The following MYPN variants were observed in gnomAD, a reference collection of about 807,000 sequenced individuals.
The protein encoded by MYPN is sarcomeric protein myopalladin, 145 kDa (MYOP).
In MYPN, 63 loss-of-function variants were observed where a neutral mutation model predicts 129.4. The observed-to-expected ratio is 0.49, with a 90% CI of 0.40 to 0.60. MYPN has a LOEUF of 0.60. MYPN is among the 20% of genes least tolerant of loss of function. The probability of loss-of-function intolerance (pLI) is 0.00; values close to 1 mark genes in which losing one functional copy is unlikely to be tolerated. For missense variants in MYPN, 1,596 were observed against 1,635.4 expected (o/e 0.98, Z 0.42); for synonymous variants, 629 against 600.9 (o/e 1.05, Z -0.68).
chr10:68,175,185 T>C, intron 11 of MYPN, 138 bp from the exon 12 acceptor site: 1 of 937,750 alleles, frequency 1.1e-6, no homozygotes, highest in South Asian at 1.5e-5. Context: ...AAATACCGAT[T>C]CTCTGCACAG....
At chr10:68,125,792 A>G (rs189568488) in intron 2 of MYPN, among the ~76,000 whole-genome samples, 12 of 152,342 alleles carry the variant, frequency 7.9e-5, no homozygotes, top group South Asian at 4.1e-4. Flanking sequence ...ACAAATATCA[A>G]TTGAGTTACT....
intron 1 of MYPN, among the ~76,000 whole-genome samples, chr10:68,092,511 G>T (rs1589508957): frequency 6.7e-6 from 1 of 150,062 alleles, no homozygotes; most frequent in Non-Finnish European, 1.5e-5. Context: ...AAAAAAAAAA[G>T]AAATGTATGT....
intron 2 of MYPN, among the ~76,000 whole-genome samples, chr10:68,137,323 C>A (rs1302353328): frequency 6.6e-6 from 1 of 152,154 alleles, no homozygotes; most frequent in Non-Finnish European, 1.5e-5. Context: ...AAAAATCCAA[C>A]CTTACACAGT....
At chr10:68,145,904 G>A (rs1053620451) in intron 4 of MYPN, among the ~76,000 whole-genome samples, 2 of 152,028 alleles carry the variant, frequency 1.3e-5, no homozygotes, top group African/African-American at 4.8e-5. Flanking sequence ...CATTCTCGTG[G>A]CCTTGAGTCA....
intron 1 of MYPN, among the ~76,000 whole-genome samples, chr10:68,095,487 TCCCTGCCTCCCATCTGAAGTA>T (rs995918779): frequency 6.6e-6 from 1 of 152,164 alleles, no homozygotes; most frequent in Admixed American, 6.5e-5. Flanking sequence ...GACCAGGGTC[TCCCTGCCTCCCATCTGAAGTA>T]CCAGCCATTT....
intron 3 of MYPN, 71 bp downstream of exon 3, chr10:68,143,186 T>A: frequency 6.8e-7 from 1 of 1,461,720 alleles, no homozygotes; most frequent in Non-Finnish European, 9.4e-7. Context: ...AAATATTTAT[T>A]GAGGGCCTCC....
intron 1 of MYPN, among the ~76,000 whole-genome samples, chr10:68,099,207 T>C (rs1396637991): frequency 6.6e-6 from 1 of 152,138 alleles, no homozygotes; most frequent in Non-Finnish European, 1.5e-5. Context: ...TAACCCTCAT[T>C]AGACTAAATT....
At chr10:68,204,524 C>T (rs2134325414) in intron 18 of MYPN, among the ~76,000 whole-genome samples, 1 of 152,234 alleles carries the variant, frequency 6.6e-6, no homozygotes, top group South Asian at 2.1e-4. Flanking sequence ...GAGTTGGAGA[C>T]CAGCCTGGCC....
intron 1 of MYPN, among the ~76,000 whole-genome samples, chr10:68,091,716 C>T (rs1040209154): frequency 4.0e-5 from 6 of 150,884 alleles, no homozygotes; most frequent in Non-Finnish European, 8.8e-5. Context: ...CCCAAATTTG[C>T]TCGTTTTTTT....
At chr10:68,089,626 T>G (rs2041922000) in intron 1 of MYPN, among the ~76,000 whole-genome samples, 1 of 152,168 alleles carries the variant, frequency 6.6e-6, no homozygotes, top group Non-Finnish European at 1.5e-5. Flanking sequence ...ATTACAGGCG[T>G]GAGCCAGCGC....
At chr10:68,136,666 T>G in intron 2 of MYPN, 13 of 1,535,172 alleles carry the variant, frequency 8.5e-6, no homozygotes, top group Admixed American at 2.0e-5. Context: ...GTTTGGGCAT[T>G]TGAATCATTC....
intron 18 of MYPN, among the ~76,000 whole-genome samples, chr10:68,204,842 G>T (rs1009704686): frequency 6.6e-6 from 1 of 151,338 alleles, no homozygotes; most frequent in African/African-American, 2.4e-5. Flanking sequence ...CATAGTGCAC[G>T]TGACCCTCTC....
chr10:68,184,114 G>T (rs1316972490), intron 12 of MYPN, among the ~76,000 whole-genome samples: 1 of 152,314 alleles, frequency 6.6e-6, no homozygotes, highest in African/African-American at 2.4e-5. Flanking sequence ...AGACCTCAGG[G>T]ACTGGTATTC....
At chr10:68,104,922 T>A (rs1006340101), upstream of MYPN, among the ~76,000 whole-genome samples, 1 of 152,094 alleles carries the variant, frequency 6.6e-6, no homozygotes, top group African/African-American at 2.4e-5. Flanking sequence ...TAGCTGGGAT[T>A]ACAGGCACGC....
chr10:68,135,489 T>C, intron 2 of MYPN: 1 of 985,022 alleles, frequency 1.0e-6, no homozygotes, highest in Non-Finnish European at 1.2e-6. Context: ...AGAGTTACTC[T>C]GATGCTTGGA....
rs1226400049 is a variant in MYPN, at chr10:68,166,557, C to G, written c.1864C>G (p.Gln622Glu). ...SSEAGVVTTR[Q>E]TRPDSFQERF... Reference sequence around the variant, plus strand: ...CGAGGCTGGTGTGGTGACCACCAGACAGACCAGGCCCGATTCTTTCCAGGA... The same window carrying G: ...CGAGGCTGGTGTGGTGACCACCAGAGAGACCAGGCCCGATTCTTTCCAGGA... Residue 622 changes from glutamine (Q) to glutamate (E), a missense_variant, in exon 10 of 20, where the codon CAG becomes GAG. Gln to Glu is a conservative substitution (Grantham distance 29, BLOSUM62 2). Transcript: ENST00000358913. 1 of 1,614,164 alleles carries G rather than the reference C, an allele frequency of 6.2e-7. No homozygotes were observed. Among genetic ancestry groups the G allele is most frequent in the East Asian group, 2.2e-5 (1 of 44,884 alleles).
intron 14 of MYPN, 105 bp from the exon 15 acceptor site, chr10:68,195,345 C>T (rs2043586483): frequency 1.0e-6 from 1 of 984,248 alleles, no homozygotes; most frequent in African/African-American, 1.6e-5. Flanking sequence ...AAGAAAAACT[C>T]ATAATAGCCA....
At chr10:68,143,188 AG>A in intron 3 of MYPN, 73 bp downstream of exon 3, 1 of 1,424,830 alleles carries the variant, frequency 7.0e-7, no homozygotes, top group Non-Finnish European at 9.7e-7. Context: ...ATATTTATTG[AG>A]GGCCTCCTCT....
At chr10:68,145,554 T>C in intron 4 of MYPN, 28 bp downstream of exon 4, 1 of 1,585,674 alleles carries the variant, frequency 6.3e-7, no homozygotes, top group Non-Finnish European at 8.7e-7. Flanking sequence ...TCTTATAGCT[T>C]TAGCATCCTC....
Sources: allele counts gnomAD v4.1 joint callset (sites outside exome capture counted in the v4.1 genomes callset), GRCh38; gene constraint gnomAD v4.1.1; transcripts MANE v1.5; gene names NCBI Gene and HGNC (gene_info 2026-07-23, HGNC 2026-07-21).